The following MAD1L1 variants were observed in gnomAD, a reference collection of about 807,000 sequenced individuals.
MAD1L1 encodes mitotic arrest deficient 1 like 1, also known as mitotic spindle assembly checkpoint protein MAD1.
Under a neutral mutation model 96.9 loss-of-function variants are expected in MAD1L1, and 95 were observed. The ratio of observed to expected loss-of-function variants is 0.98; its 90% CI spans 0.83 to 1.16. The LOEUF is 1.16. Ranked by LOEUF, MAD1L1 falls within the 50% of genes most tolerant of loss-of-function variation. The pLI, the probability that MAD1L1 is intolerant of heterozygous loss-of-function variation, is 0.00. For missense variants in MAD1L1, 1,007 were observed against 954.4 expected (o/e 1.06, Z -0.73); for synonymous variants, 473 against 396.6 (o/e 1.19, Z -2.29).
intron 16 of MAD1L1, among the ~76,000 whole-genome samples, chr7:1,945,428 G>A (rs10239186): frequency 0.86 from 130,542 of 151,828 alleles, 57,448 homozygotes; most frequent in Non-Finnish European, 0.96. Flanking sequence ...AGAGTGGTTA[G>A]AGTAACGCAG....
chr7:2,021,092 G>A (rs1256567900), intron 12 of MAD1L1, among the ~76,000 whole-genome samples: 4 of 152,176 alleles, frequency 2.6e-5, no homozygotes, highest in African/African-American at 7.2e-5. Context: ...TGGGATGACC[G>A]TGAAGGTGGA....
chr7:1,979,049 C>T (rs1021739673), intron 15 of MAD1L1, among the ~76,000 whole-genome samples: 1 of 152,232 alleles, frequency 6.6e-6, no homozygotes, highest in Non-Finnish European at 1.5e-5. Context: ...TGGGCCGGGG[C>T]CACACTAAAG....
chr7:1,841,540 T>G (rs1382149049), intron 18 of MAD1L1, among the ~76,000 whole-genome samples: 3 of 152,150 alleles, frequency 2.0e-5, no homozygotes, highest in Admixed American at 6.5e-5. Context: ...GGCCCCAGGA[T>G]GAAAGCGGGC....
intron 17 of MAD1L1, among the ~76,000 whole-genome samples, chr7:1,936,125 G>C (rs1778584350): frequency 6.6e-6 from 1 of 152,242 alleles, no homozygotes; most frequent in Non-Finnish European, 1.5e-5. Flanking sequence ...AGCCCCGGCA[G>C]CACCCTCCGA....
intron 10 of MAD1L1, among the ~76,000 whole-genome samples, chr7:2,182,012 G>C (rs1791224654): frequency 6.6e-6 from 1 of 152,094 alleles, no homozygotes; most frequent in African/African-American, 2.4e-5. Context: ...GGATATAATG[G>C]ACTCTGGGGA....
chr7:1,885,752 G>A (rs982562956), intron 18 of MAD1L1, among the ~76,000 whole-genome samples: 7 of 152,172 alleles, frequency 4.6e-5, no homozygotes, highest in African/African-American at 7.2e-5. Flanking sequence ...CCGAGGGCTC[G>A]GCAGCCCGGC....
intron 17 of MAD1L1, among the ~76,000 whole-genome samples, chr7:1,900,070 C>G (rs894448891): frequency 6.6e-6 from 1 of 152,224 alleles, no homozygotes; most frequent in Non-Finnish European, 1.5e-5. Context: ...AGGCCACCGC[C>G]GAGAGCGCAG....
intron 18 of MAD1L1, among the ~76,000 whole-genome samples, chr7:1,887,614 C>A (rs963145193): frequency 1.4e-5 from 2 of 139,826 alleles, no homozygotes; most frequent in Non-Finnish European, 1.5e-5. Flanking sequence ...TATGTGGCTG[C>A]CTGTGCATGG....
At position 1,918,900 on chromosome 7, in the gene MAD1L1, G is replaced by A. The variant is rs889168507; in HGVS notation, c.1807+17787C>T. On this transcript the variant is annotated intron_variant, in intron 17 of 18. Transcript: ENST00000265854. ...CCCTCCCCTCCCCTCTCTACAGGGC[G>A]CCTCAATGAGTGCACAGGGTGAGAG... is the stretch of plus-strand genomic sequence containing the variant. Among the ~76,000 whole-genome samples the A allele has an allele frequency of 1.0e-4, 15 of 147,810 alleles. No individual in the cohort carries two copies. In the South Asian group the frequency reaches 1.1e-3, roughly 11 times the overall value.
intron 18 of MAD1L1, among the ~76,000 whole-genome samples, chr7:1,819,866 C>A (rs1357446619): frequency 6.6e-6 from 1 of 152,042 alleles, no homozygotes; most frequent in Non-Finnish European, 1.5e-5. Context: ...AGAACAAGAC[C>A]CCCTGCTGCT....
intron 12 of MAD1L1, among the ~76,000 whole-genome samples, chr7:2,049,228 G>A (rs575692084): frequency 3.2e-4 from 48 of 152,232 alleles, no homozygotes; most frequent in Non-Finnish European, 6.3e-4. Context: ...GTGAGAGAGT[G>A]ACAGAGCTCA....
intron 13 of MAD1L1, among the ~76,000 whole-genome samples, chr7:2,005,067 G>A (rs1392470698): frequency 4.6e-5 from 7 of 152,194 alleles, no homozygotes; most frequent in Admixed American, 4.6e-4. Context: ...CCCGGGATGC[G>A]GCCAGGAGGA....
intron 11 of MAD1L1, among the ~76,000 whole-genome samples, chr7:2,075,034 G>A (rs998659525): frequency 3.9e-5 from 6 of 152,216 alleles, no homozygotes; most frequent in Admixed American, 3.3e-4. Flanking sequence ...TGCACGGGAC[G>A]TGGAGAGCGG....
At chr7:1,867,381 C>T (rs985741693) in intron 18 of MAD1L1, among the ~76,000 whole-genome samples, 1 of 152,222 alleles carries the variant, frequency 6.6e-6, no homozygotes, top group Admixed American at 6.5e-5. Context: ...GCGGGTCCAG[C>T]ATGGAAGGCG....
chr7:1,883,387 G>A (rs1187237482), intron 18 of MAD1L1, among the ~76,000 whole-genome samples: 1 of 152,202 alleles, frequency 6.6e-6, no homozygotes, highest in Non-Finnish European at 1.5e-5. Context: ...CCCCGGGGAT[G>A]AGCTCCCTTT....
rs571951652 is a variant in MAD1L1, at chr7:2,103,898, C to T, written c.1074-34560G>A. On this transcript the variant is annotated intron_variant, in intron 11 of 18. Coordinates refer to ENST00000265854, the MANE Select transcript of MAD1L1 (RefSeq NM_001013836.2). The surrounding 1 kb of genome is among the most constrained non-coding windows in gnomAD (Gnocchi z 4.3). ...GGGGAGACCACCAGTTCTGATGCCA[C>T]GCCATACAACACTCCACCCCGCTGG... Among the ~76,000 whole-genome samples, 45 of 152,338 alleles carry T rather than the reference C, an allele frequency of 3.0e-4. 1 individual carries two copies. In the South Asian group the frequency reaches 6.2e-3, roughly 21 times the overall value.
chr7:1,922,496 G>A lies in MAD1L1; in HGVS notation c.1807+14191C>T, dbSNP rs186206455. Among the ~76,000 whole-genome samples the A allele has an allele frequency of 3.9e-5, 6 of 152,352 alleles. No homozygotes were observed. In the East Asian group the frequency reaches 1.2e-3, roughly 29 times the overall value. Reference sequence around the variant, plus strand: ...CTCATAAAGTGAGCTCAGCAAGGTTGCAGGATACAAGAGCCACACACAGAA... The same window carrying A: ...CTCATAAAGTGAGCTCAGCAAGGTTACAGGATACAAGAGCCACACACAGAA... On this transcript the variant is annotated intron_variant, in intron 17 of 18. Coordinates refer to ENST00000265854, the MANE Select transcript of MAD1L1 (RefSeq NM_001013836.2).
chr7:2,079,729 G>C, intron 11 of MAD1L1: 1 of 470,982 alleles, frequency 2.1e-6, no homozygotes, highest in South Asian at 1.5e-5. Flanking sequence ...TCCTCCAAAT[G>C]CTGGGTGGGG....
Position 2,215,913 on chromosome 7 carries a change from G to A in MAD1L1, c.896C>T (p.Thr299Met), listed in dbSNP as rs182363615. Residue 299 changes from threonine (T) to methionine (M), a missense_variant, in exon 9 of 19, where the codon ACG becomes ATG. Physicochemically the swap from Thr to Met is moderately conservative, Grantham distance 81 (BLOSUM62 -1). Transcript: ENST00000265854. Reference protein sequence around the residue: ...KLGRQEKMQETLVGLELENER... With the variant: ...KLGRQEKMQEMLVGLELENER... The stretch of plus-strand genomic sequence containing the variant: ...GTTCTCCAGCTCCAAGCCAACCAGC[G>A]TCTCCTGCATCTTCTCCTGGCGCCC... The A allele has an allele frequency of 4.8e-4, 776 of 1,614,162 alleles. 4 individuals are homozygous for A. Among genetic ancestry groups the A allele is most frequent in the Admixed American group, 2.0e-3 (118 of 60,030 alleles).
Sources: allele counts gnomAD v4.1 joint callset (sites outside exome capture counted in the v4.1 genomes callset), GRCh38; gene constraint gnomAD v4.1.1; non-coding constraint Gnocchi (gnomAD v3.1); transcripts MANE v1.5; gene names NCBI Gene and HGNC (gene_info 2026-07-23, HGNC 2026-07-21).